Variants in SAMD5 observed in about 807,000 individuals in gnomAD.
SAMD5 encodes the protein sterile alpha motif domain-containing protein 5.
Under a neutral mutation model 11.3 loss-of-function variants are expected in SAMD5, and 13 were observed. That is an observed-to-expected ratio of 1.15 (90% CI 0.75 to 1.83). SAMD5 has a LOEUF of 1.83. SAMD5 is among the 40% of genes most tolerant of loss of function. The pLI, the probability that SAMD5 is intolerant of heterozygous loss-of-function variation, is 0.00. For synonymous variants in SAMD5, 129 were observed against 111.3 expected (o/e 1.16, Z -1.00); for missense variants, 255 against 239.1 (o/e 1.07, Z -0.44).
chr6:147,746,715 T>G, the SAMD5 span, among the ~76,000 whole-genome samples: 2 of 152,122 alleles, frequency 1.3e-5, no homozygotes, highest in Non-Finnish European at 2.9e-5. Context: ...GAACCAAAAG[T>G]GGGCAGAGGT....
chr6:147,730,074 CA>C (rs34624038), intron 1 of SAMD5: 13,824 of 297,892 alleles, frequency 0.046, 17 homozygotes, highest in Middle Eastern at 0.1. Context: ...GACTCTGTCT[CA>C]AAAAAAAAAA....
chr6:147,602,723 G>A (rs548120730), intron 1 of SAMD5, among the ~76,000 whole-genome samples: 2 of 152,130 alleles, frequency 1.3e-5, no homozygotes, highest in Admixed American at 6.5e-5. Context: ...TAGCCTGGGA[G>A]ACAGTGTGAG....
At chr6:147,668,799 G>A (rs59031464) in intron 1 of SAMD5, among the ~76,000 whole-genome samples, 4,706 of 152,080 alleles carry the variant, frequency 0.031, 76 homozygotes, top group South Asian at 0.07. Context: ...AGCCAACATC[G>A]CCTGGGAGAT....
chr6:147,508,885 TG>T lies in SAMD5; in HGVS notation c.-41del. 6.3e-7 allele frequency: 1 copy of T among 1,580,916 alleles called. No homozygotes were observed. The highest frequency in any genetic ancestry group is 8.6e-7 in the Non-Finnish European group (1 of 1,165,336). ...AAGAACTGGTGCCGCCCGTGCCATTTGGGCGCTGGGAAGGTGCTCGGCGGCG... is the reference window on the plus strand; with the variant it reads ...AAGAACTGGTGCCGCCCGTGCCATTTGGCGCTGGGAAGGTGCTCGGCGGCG... On this transcript the variant is annotated 5_prime_UTR_variant, in exon 1 of 2. Transcript: ENST00000367474.
At chr6:147,562,694 C>A (rs112287872) in intron 1 of SAMD5, among the ~76,000 whole-genome samples, 9,914 of 152,036 alleles carry the variant, frequency 0.065, 501 homozygotes, top group African/African-American at 0.13. Context: ...TGGTGGCGGG[C>A]GCCTGTAGTC....
At chr6:147,614,514 C>G (rs1789837107) in intron 1 of SAMD5, among the ~76,000 whole-genome samples, 1 of 151,474 alleles carries the variant, frequency 6.6e-6, no homozygotes, top group Admixed American at 6.6e-5. Flanking sequence ...ATGATTGATA[C>G]ATGCAACAAC....
intron 1 of SAMD5, among the ~76,000 whole-genome samples, chr6:147,637,133 CG>C (rs773936515): frequency 6.6e-6 from 1 of 152,130 alleles, no homozygotes; most frequent in Non-Finnish European, 1.5e-5. Context: ...GTTAGATGGC[CG>C]CCATTCTCTA....
chr6:147,949,012 G>T, the SAMD5 span, among the ~76,000 whole-genome samples: 6 of 152,300 alleles, frequency 3.9e-5, no homozygotes, highest in East Asian at 1.9e-4. Context: ...GGTGAAGAAG[G>T]TTAGATTTCA....
intron 1 of SAMD5, among the ~76,000 whole-genome samples, chr6:147,675,080 C>A (rs932457182): frequency 5.1e-4 from 77 of 152,280 alleles, no homozygotes; most frequent in African/African-American, 1.8e-3. Context: ...TTGAAATTGG[C>A]ATGTATAAAG....
the SAMD5 span, among the ~76,000 whole-genome samples, chr6:147,787,427 C>T: frequency 1.8e-4 from 27 of 152,188 alleles, no homozygotes; most frequent in African/African-American, 5.8e-4. Flanking sequence ...TGAGCTGAAG[C>T]CTTTATTGCA....
chr6:147,919,359 T>TG, the SAMD5 span, among the ~76,000 whole-genome samples: 3 of 152,232 alleles, frequency 2.0e-5, no homozygotes, highest in South Asian at 4.1e-4. Flanking sequence ...AGTTATAACT[T>TG]GGGGGCCGTC....
chr6:147,900,662 A>G, the SAMD5 span, among the ~76,000 whole-genome samples: 1 of 151,246 alleles, frequency 6.6e-6, no homozygotes. Context: ...CACTGTCACT[A>G]ATTGTGCCAG....
the SAMD5 span, among the ~76,000 whole-genome samples, chr6:147,872,061 C>T: frequency 5.3e-4 from 80 of 152,272 alleles, no homozygotes; most frequent in African/African-American, 1.8e-3. Flanking sequence ...TTTGCAACAA[C>T]GTTATTCTGA....
the SAMD5 span, among the ~76,000 whole-genome samples, chr6:147,949,848 G>A: frequency 6.6e-6 from 1 of 152,128 alleles, no homozygotes; most frequent in Non-Finnish European, 1.5e-5. Context: ...GGTTCATTTT[G>A]TTATACTGCA....
At chr6:147,780,145 G>T in the SAMD5 span, among the ~76,000 whole-genome samples, 1 of 151,866 alleles carries the variant, frequency 6.6e-6, no homozygotes, top group African/African-American at 2.4e-5. Context: ...ATTTTTCTTA[G>T]ATCACAGTAT....
the SAMD5 span, among the ~76,000 whole-genome samples, chr6:147,921,498 T>C: frequency 1.3e-5 from 2 of 152,162 alleles, no homozygotes; most frequent in Non-Finnish European, 1.5e-5. Flanking sequence ...ACTACACTAG[T>C]GTCAACTCAT....
At chr6:147,768,181 A>G in the SAMD5 span, among the ~76,000 whole-genome samples, 2 of 152,166 alleles carry the variant, frequency 1.3e-5, no homozygotes, top group African/African-American at 2.4e-5. Flanking sequence ...CAACACTGAC[A>G]AATGTTCAAA....
At chr6:147,932,588 TTGTGTGTGTGTGTGTGTGTGTGTGTGTG>T in the SAMD5 span, among the ~76,000 whole-genome samples, 1 of 131,090 alleles carries the variant, frequency 7.6e-6, no homozygotes, top group Non-Finnish European at 1.6e-5. Context: ...TCTTACAGAA[TTGTGTGTGTGTGTGTGTGTGTGTGTGTG>T]TGTGTGTGTG....
At chr6:147,925,071 A>G in the SAMD5 span, among the ~76,000 whole-genome samples, 2 of 152,234 alleles carry the variant, frequency 1.3e-5, no homozygotes, top group Non-Finnish European at 2.9e-5. Flanking sequence ...AGTGGTATGT[A>G]CTGAATGCTT....
Sources: allele counts gnomAD v4.1 joint callset (sites outside exome capture counted in the v4.1 genomes callset), GRCh38; gene constraint gnomAD v4.1.1; transcripts MANE v1.5; gene names NCBI Gene and HGNC (gene_info 2026-07-23, HGNC 2026-07-21).